TRA2B: variants seen among roughly 807,000 people sequenced by gnomAD.
TRA2B encodes the protein transformer-2 protein homolog beta.
Under a neutral mutation model 41.7 loss-of-function variants are expected in TRA2B, and 14 were observed. That is an observed-to-expected ratio of 0.34 (90% CI 0.22 to 0.53). The LOEUF is 0.53. TRA2B is among the 20% of genes least tolerant of loss of function. The pLI is 0.95. For missense variants in TRA2B, 167 were observed against 396.8 expected (o/e 0.42, Z 4.92); for synonymous variants, 130 against 128.8 (o/e 1.01, Z -0.06).
At position 185,926,741 on chromosome 3, in the gene TRA2B, G is replaced by A. The variant is rs767921383; in HGVS notation, c.37-7C>T. The A allele has an allele frequency of 9.3e-6, 15 of 1,613,706 alleles. No homozygotes were observed. Among genetic ancestry groups the A allele is most frequent in the East Asian group, 2.2e-5 (1 of 44,876 alleles). On this transcript the variant is annotated splice_polypyrimidine_tract_variant and splice_region_variant and intron_variant, in intron 1 of 8. Coordinates refer to ENST00000453386, the MANE Select transcript of TRA2B (RefSeq NM_004593.3). ...TGGAAGCAGAACGGGATTCCTACAC[G>A]TAGATGTTAAAAGTTTAATTTGCAC...
intron 7 of TRA2B, among the ~76,000 whole-genome samples, chr3:185,918,933 C>G (rs2150111332): frequency 6.6e-6 from 1 of 152,228 alleles, no homozygotes; most frequent in East Asian, 1.9e-4. Flanking sequence ...CAAATTGCTC[C>G]ACTGTACTCC....
At position 185,922,019 on chromosome 3, in the gene TRA2B, T is replaced by C. The variant is rs921904455; in HGVS notation, c.630A>G (p.Arg210=). 5 of 1,609,848 alleles carry C rather than the reference T, an allele frequency of 3.1e-6. No homozygotes were observed. Among genetic ancestry groups the C allele is most frequent in the African/African-American group, 1.3e-5 (1 of 74,770 alleles). Residue 210 remains arginine (R), a synonymous_variant, in exon 5 of 9, where the codon AGA becomes AGG. Coordinates refer to ENST00000453386, the MANE Select transcript of TRA2B (RefSeq NM_004593.3). ...HTPTPGIYMG[R]PTYGSSRRRD... ...TTTGAAAATAAACTTACTAGGTAGG[T>C]CTCCCCATGTAAATTCCTGGTGTTG...
chr3:185,928,926 A>G (rs1441097018), intron 1 of TRA2B: 1 of 152,228 alleles, frequency 6.6e-6, no homozygotes, highest in Non-Finnish European at 1.5e-5. Context: ...CTGAGGGAAG[A>G]GACAGTACTC....
chr3:185,928,692 A>T (rs1462280097), intron 1 of TRA2B: 5 of 152,204 alleles, frequency 3.3e-5, no homozygotes, highest in Non-Finnish European at 7.4e-5. Context: ...TAGAAAGATT[A>T]CCTCTATGGA....
At chr3:185,918,493 C>G in intron 7 of TRA2B, 55 bp from the exon 8 acceptor site, 1 of 1,299,370 alleles carries the variant, frequency 7.7e-7, no homozygotes. Flanking sequence ...TTAGACCAAA[C>G]ATATAAATTT....
At position 185,922,722 on chromosome 3, in the gene TRA2B, A is replaced by ATAGT. The variant is rs539131977; in HGVS notation, c.523-600_523-597dup. The stretch of plus-strand genomic sequence containing the variant: ...GACTGAAGCACAGCCTTAAGTACAT[A>ATAGT]TAGTTCCTTTTCCCAAAGTATGTAT... On this transcript the variant is annotated intron_variant, in intron 4 of 8. Transcript: ENST00000453386. 1.6e-3 allele frequency: 240 copies of ATAGT among 152,342 alleles called. 1 individual carries two copies. Among genetic ancestry groups the ATAGT allele is most frequent in the African/African-American group, 5.4e-3 (223 of 41,568 alleles). 9.4% of individuals were successfully genotyped at this position (152,342 alleles called of 1,614,324 possible).
In TRA2B at chr3:185,914,994, T is replaced by C. The variant is rs77055012; in HGVS notation, c.*2721A>G. Among the ~76,000 whole-genome samples the C allele has an allele frequency of 0.025, 3,749 of 152,268 alleles. 69 individuals carry two copies. The highest frequency in any genetic ancestry group is 0.031 in the Non-Finnish European group (2,120 of 68,010). ...TATGTAGGGGCAACAATGTAAACAT[T>C]GCAGACCTTGAGCATTCTCTAACAT... On this transcript the variant is annotated 3_prime_UTR_variant, in exon 9 of 9. Coordinates refer to ENST00000453386, the MANE Select transcript of TRA2B (RefSeq NM_004593.3).
intron 6 of TRA2B, among the ~76,000 whole-genome samples, chr3:185,920,437 TCC>T (rs1422934932): frequency 1.3e-5 from 2 of 152,216 alleles, no homozygotes; most frequent in African/African-American, 4.8e-5. Context: ...AGCTTCAACC[TCC>T]CCGGCTTCCT....
At chr3:185,927,581 C>CA (rs763414746) in intron 1 of TRA2B, 2 of 152,108 alleles carry the variant, frequency 1.3e-5, no homozygotes, top group African/African-American at 2.4e-5. Context: ...GCCCAGGAAG[C>CA]AAAAGAGTAC....
intron 1 of TRA2B, chr3:185,931,813 T>G: frequency 1.3e-6 from 2 of 1,511,338 alleles, no homozygotes; most frequent in Non-Finnish European, 1.8e-6. Context: ...ATAAAACTTG[T>G]CAAATGACGA....
rs1394829848 is a variant in TRA2B at position 185,923,787 on chromosome 3, T to C, written c.522+9A>G. On this transcript the variant is annotated intron_variant, in intron 4 of 8. Transcript: ENST00000453386. ...CTGATGGTTTACAAAGGAACGGGCT[T>C]TTACTTACTTCCTTGGCATCATCTA... 1.2e-6 allele frequency: 2 copies of C among 1,602,216 alleles called. No individual in the cohort carries two copies. The highest frequency in any genetic ancestry group is 1.3e-5 in the African/African-American group (1 of 74,354).
intron 1 of TRA2B, chr3:185,931,937 T>A (rs1269250382): frequency 5.1e-5 from 48 of 940,798 alleles, no homozygotes; most frequent in South Asian, 4.9e-4. Context: ...AAAAAAAAAA[T>A]CCCTTTGTTG....
In TRA2B at chr3:185,917,055, G is replaced by C. The variant is rs568528091; in HGVS notation, c.*660C>G. The C allele has an allele frequency of 6.6e-6, 1 of 152,460 alleles. No homozygotes were observed. The allele number at this position is 152,460 out of a possible 1,614,324, so 9.4% of individuals were successfully genotyped here. On this transcript the variant is annotated 3_prime_UTR_variant, in exon 9 of 9. Transcript: ENST00000453386. ...GAAACAGCCTTTTAAGGCATACACT[G>C]TGTAACTCTTCGTATTTCCTGCTAT...
At chr3:185,937,404 G>C in intron 1 of TRA2B, 1 of 1,007,948 alleles carries the variant, frequency 9.9e-7, no homozygotes, top group Non-Finnish European at 1.2e-6. Flanking sequence ...TCGGGTCCGC[G>C]TTGCCGCGCG....
intron 2 of TRA2B, 26 bp downstream of exon 2, chr3:185,926,575 G>A: frequency 6.2e-7 from 1 of 1,612,800 alleles, no homozygotes; most frequent in Non-Finnish European, 8.5e-7. Context: ...AGAGTAACGA[G>A]GAAATCTCAA....
In TRA2B at chr3:185,937,782, G is replaced by A. The variant is rs375316877; in HGVS notation, c.36+43C>T. The A allele has an allele frequency of 6.2e-6, 10 of 1,613,704 alleles. No homozygotes were observed. In the African/African-American group the frequency reaches 1.2e-4, roughly 19 times the overall value. ...CGACGGGCCTAGAAAAAGATGCAAG[G>A]AGCTAGGACCACACAGCCACCCCCT... On this transcript the variant is annotated intron_variant, in intron 1 of 8. Transcript: ENST00000453386.
chr3:185,937,486 G>T, intron 1 of TRA2B: 6 of 1,077,078 alleles, frequency 5.6e-6, no homozygotes, highest in Non-Finnish European at 6.8e-6. Flanking sequence ...GCGGACCTTC[G>T]CAGGAGAGCA....
chr3:185,925,215 G>C (rs1743898831), intron 3 of TRA2B: 3 of 377,930 alleles, frequency 7.9e-6, no homozygotes, highest in South Asian at 7.6e-5. Flanking sequence ...AATGCAGTCG[G>C]AAGTTTTTTT....
At chr3:185,920,364 CTT>C (rs1743671620) in intron 6 of TRA2B, among the ~76,000 whole-genome samples, 1 of 152,056 alleles carries the variant, frequency 6.6e-6, no homozygotes, top group Admixed American at 6.5e-5. Flanking sequence ...ATAATTTTTT[CTT>C]TTAAGGTGGG....
Sources: allele counts gnomAD v4.1 joint callset (sites outside exome capture counted in the v4.1 genomes callset), GRCh38; gene constraint gnomAD v4.1.1; transcripts MANE v1.5; gene names NCBI Gene and HGNC (gene_info 2026-07-23, HGNC 2026-07-21).